The following WDFY3 variants were observed in gnomAD, a reference collection of about 807,000 sequenced individuals.
WDFY3 encodes the protein WD repeat and FYVE domain-containing protein 3.
A neutral mutation model predicts 409.6 loss-of-function variants in WDFY3; 66 were observed. That is an observed-to-expected ratio of 0.16 (90% CI 0.13 to 0.20). The LOEUF (loss-of-function observed/expected upper bound fraction) is 0.20. Ranked by LOEUF, WDFY3 falls within the 10% of genes least tolerant of loss-of-function variation. WDFY3 has a pLI of 1.00. For synonymous variants in WDFY3, 1,521 were observed against 1,537.1 expected (o/e 0.99, Z 0.25); for missense variants, 3,031 against 4,298.1 (o/e 0.71, Z 8.24).
chr4:84,963,350 G>C (rs748502955), intron 1 of WDFY3, among the ~76,000 whole-genome samples: 1 of 151,536 alleles, frequency 6.6e-6, no homozygotes, highest in African/African-American at 2.4e-5. Flanking sequence ...CTCGAAACCC[G>C]GGAGGCAGAA....
At chr4:84,890,042 C>T (rs1462126751) in intron 3 of WDFY3, among the ~76,000 whole-genome samples, 1 of 152,090 alleles carries the variant, frequency 6.6e-6, no homozygotes, top group African/African-American at 2.4e-5. Context: ...TCCACAGACT[C>T]CTATGCAAAT....
At position 84,679,821 on chromosome 4, in the gene WDFY3, C is replaced by CATAT. The variant is rs370117920; in HGVS notation, c.9824-583_9824-580dup. On this transcript the variant is annotated intron_variant, in intron 64 of 67. Coordinates refer to ENST00000295888, the MANE Select transcript of WDFY3 (RefSeq NM_014991.6). Reference sequence around the variant, plus strand: ...TAAATGATTACTTTTGGATATTCTTCATATATATATATATATATATACACA... The same window carrying CATAT: ...TAAATGATTACTTTTGGATATTCTTCATATATATATATATATATATATATACACA... 3.0e-3 allele frequency among the ~76,000 whole-genome samples: 432 copies of CATAT among 144,088 alleles called. 2 individuals are homozygous for CATAT. The highest frequency in any genetic ancestry group is 4.6e-3 in the Non-Finnish European group (304 of 66,022). The allele number at this position is 144,088 out of a possible 152,430, so 94.5% of individuals were successfully genotyped here. A position where few individuals can be genotyped will look rare whatever the true frequency, so the allele number is the denominator to read the frequency against.
At position 84,829,059 on chromosome 4, in the gene WDFY3, G is replaced by T; in HGVS notation, c.901C>A (p.Leu301Met). ...CCTTGCCATATCCGAAAATCATCCAGAAGTGTTTGGGAAACATCGCTGGAA... is the reference window on the plus strand; with the variant it reads ...CCTTGCCATATCCGAAAATCATCCATAAGTGTTTGGGAAACATCGCTGGAA... ...KDSSDVSQTLLDDFRIWQGYN... is the reference protein window; with the variant it reads ...KDSSDVSQTLMDDFRIWQGYN... Residue 301 changes from leucine to methionine, a missense_variant, in exon 9 of 68, where the codon CTG becomes ATG. Leu to Met is a conservative substitution (Grantham distance 15). Around this residue, in one of 16 missense-constraint regions of WDFY3, gnomAD observed 1,322 missense variants for 1,697.9 expected, o/e 0.78. Coordinates refer to ENST00000295888, the MANE Select transcript of WDFY3 (RefSeq NM_014991.6). The T allele has an allele frequency of 6.2e-7, 1 of 1,613,718 alleles. No individual in the cohort carries two copies. Among genetic ancestry groups the T allele is most frequent in the Non-Finnish European group, 8.5e-7 (1 of 1,179,770 alleles).
intron 37 of WDFY3, 120 bp from the exon 38 acceptor site, chr4:84,742,041 A>G: frequency 8.0e-6 from 7 of 878,254 alleles, no homozygotes; most frequent in South Asian, 5.1e-5. Context: ...TAGCAATATG[A>G]CTACTAGCTT....
chr4:84,795,117 C>T (rs113733564), intron 19 of WDFY3, 138 bp from the exon 20 acceptor site: 28 of 496,632 alleles, frequency 5.6e-5, no homozygotes, highest in African/African-American at 4.4e-4. Context: ...GGATGCCTCG[C>T]AAAGCCCTTC....
Position 84,788,013 on chromosome 4 carries a change from C to A in WDFY3, c.3670-300G>T, listed in dbSNP as rs79843971. 8.4e-3 allele frequency among the ~76,000 whole-genome samples: 1,273 copies of A among 152,242 alleles called. 21 individuals are homozygous for A. Among genetic ancestry groups the A allele is most frequent in the African/African-American group, 0.029 (1,219 of 41,524 alleles). On this transcript the variant is annotated intron_variant, in intron 22 of 67. Coordinates refer to ENST00000295888, the MANE Select transcript of WDFY3 (RefSeq NM_014991.6). The stretch of plus-strand genomic sequence containing the variant: ...GCTGGTTTGCACATCAAGTTAATGA[C>A]GCTTCTCTGAAATTTTTGTGCTGAT...
rs150359481 is a variant in WDFY3, at chr4:84,747,669, C to T, written c.5973+3814G>A. Among the ~76,000 whole-genome samples, 915 of 152,150 alleles carry T rather than the reference C, an allele frequency of 6.0e-3. 4 individuals are homozygous for T. The highest frequency in any genetic ancestry group is 0.014 in the Middle Eastern group (4 of 294). ...GGTAATTAAATCATGGGGGTGGTTA[C>T]TCTCATGCTGTTCTTGTGATAGTGA... On this transcript the variant is annotated intron_variant, in intron 36 of 67. Transcript: ENST00000295888.
At chr4:84,962,866 GA>G (rs1338969171) in intron 1 of WDFY3, among the ~76,000 whole-genome samples, 2 of 151,734 alleles carry the variant, frequency 1.3e-5, no homozygotes, top group Non-Finnish European at 2.9e-5. Context: ...TAGACACGGG[GA>G]TTCACCATAT....
chr4:84,796,431 A>T, intron 19 of WDFY3, 90 bp downstream of exon 19: 2 of 739,300 alleles, frequency 2.7e-6, no homozygotes, highest in Non-Finnish European at 3.9e-6. Context: ...AATATATTTT[A>T]ATTAAGTATA....
chr4:84,807,443 C>T (rs1246649357), intron 15 of WDFY3, among the ~76,000 whole-genome samples: 1 of 152,090 alleles, frequency 6.6e-6, no homozygotes, highest in Non-Finnish European at 1.5e-5. Context: ...GTAACAAATA[C>T]TTTTGATGTA....
intron 3 of WDFY3, among the ~76,000 whole-genome samples, chr4:84,874,402 G>C (rs1762505572): frequency 6.6e-6 from 1 of 151,714 alleles, no homozygotes; most frequent in African/African-American, 2.4e-5. Flanking sequence ...GACAGAGCGA[G>C]ACTCTGTCTC....
At chr4:84,758,584 G>A (rs570359767) in intron 32 of WDFY3, among the ~76,000 whole-genome samples, 2 of 151,976 alleles carry the variant, frequency 1.3e-5, no homozygotes, top group Non-Finnish European at 2.9e-5. Flanking sequence ...TTTTTTTCTG[G>A]AGTGCAGCAA....
intron 38 of WDFY3, 89 bp from the exon 39 acceptor site, chr4:84,740,505 TA>T: frequency 8.1e-7 from 1 of 1,236,118 alleles, no homozygotes; most frequent in South Asian, 1.3e-5. Flanking sequence ...TTAGGTCTAT[TA>T]TATACCAGAT....
chr4:84,928,897 T>C (rs1231054285), intron 2 of WDFY3, among the ~76,000 whole-genome samples: 1 of 152,184 alleles, frequency 6.6e-6, no homozygotes, highest in Non-Finnish European at 1.5e-5. Flanking sequence ...ATTTTATACA[T>C]ACTAGTACAG....
intron 3 of WDFY3, among the ~76,000 whole-genome samples, chr4:84,870,951 G>C (rs1216931114): frequency 6.6e-6 from 1 of 152,010 alleles, no homozygotes; most frequent in African/African-American, 2.4e-5. Flanking sequence ...GCTTTGATAG[G>C]CTCAGCAGTA....
chr4:84,733,280 A>G (rs1736907572), intron 44 of WDFY3, 102 bp downstream of exon 44: 2 of 1,294,524 alleles, frequency 1.5e-6, no homozygotes, highest in Non-Finnish European at 2.1e-6. Context: ...GAATTTTTAA[A>G]ATTAGCTATT....
chr4:84,758,608 A>G (rs1741881929), intron 32 of WDFY3, among the ~76,000 whole-genome samples: 1 of 152,202 alleles, frequency 6.6e-6, no homozygotes, highest in Admixed American at 6.5e-5. Context: ...ACATATTACA[A>G]CTGCTATTTT....
At chr4:84,718,610 T>C (rs1351775398) in intron 47 of WDFY3, 40 bp from the exon 48 acceptor site, 4 of 1,585,826 alleles carry the variant, frequency 2.5e-6, no homozygotes, top group South Asian at 2.3e-5. Flanking sequence ...TATAGGCTTT[T>C]TGTAAAGATC....
At chr4:84,687,917 G>A (rs1728597563) in intron 62 of WDFY3, 169 bp downstream of exon 62, 1 of 684,658 alleles carries the variant, frequency 1.5e-6, no homozygotes, top group Admixed American at 2.6e-5. Flanking sequence ...GCAGACACCT[G>A]ATGGGTATAG....
Sources: gnomAD v4.1 joint callset for allele counts (sites outside exome capture counted in the v4.1 genomes callset) on GRCh38, gnomAD v4.1.1 for gene constraint, gnomAD v4.1.1 regional missense constraint, MANE v1.5 for transcripts, NCBI Gene and HGNC (gene_info 2026-07-23, HGNC 2026-07-21) for gene names.